The following KDM6A variants were observed in gnomAD, a reference collection of about 807,000 sequenced individuals.
KDM6A encodes lysine-specific demethylase 6A.
KDM6A carries 11 observed loss-of-function variants against 117.6 expected under a neutral mutation model. That is an observed-to-expected ratio of 0.09 (90% CI 0.06 to 0.15). The LOEUF (loss-of-function observed/expected upper bound fraction) is 0.15, where lower values mean the gene tolerates loss of function less well. KDM6A is among the 10% of genes least tolerant of loss of function. KDM6A has a pLI of 1.00. For synonymous variants in KDM6A, 384 were observed against 396.1 expected, an observed-to-expected ratio of 0.97 and a Z score of 0.36; for missense variants, 799 against 1,077.3, an observed-to-expected ratio of 0.74 and a Z score of 3.62.
At chrX:45,071,739 T>TTCTTTTCTTGTCTTTTCTTG (rs201404259) in intron 18 of KDM6A, among the ~76,000 whole-genome samples, 3,481 of 96,920 alleles carry the variant, frequency 0.036, 70 homozygotes, top group Middle Eastern at 0.059. Flanking sequence ...GTGTTTTCTT[T>TTCTTTTCTTGTCTTTTCTTG]TCTTTTCTTG....
chrX:45,055,767 A>G (rs1341712248), intron 10 of KDM6A, among the ~76,000 whole-genome samples: 1 of 111,674 alleles, frequency 9.0e-6, no homozygotes, highest in African/African-American at 3.3e-5. Context: ...TTTCAGGTTT[A>G]TATATGAAAA....
chrX:44,874,523 G>T (rs2031267793), intron 2 of KDM6A, among the ~76,000 whole-genome samples: 2 of 111,671 alleles, frequency 1.8e-5, no homozygotes, highest in African/African-American at 3.3e-5. Flanking sequence ...CATGTATCTC[G>T]ATTGCAGTGT....
intron 9 of KDM6A, among the ~76,000 whole-genome samples, chrX:45,053,421 ACT>A (rs2043943635): frequency 9.0e-6 from 1 of 111,365 alleles, no homozygotes; most frequent in Non-Finnish European, 1.9e-5. Context: ...AAAGAGCGAG[ACT>A]CTGTCTCAGG....
chrX:45,015,908 A>G (rs746346819), intron 5 of KDM6A, among the ~76,000 whole-genome samples: 2 of 111,546 alleles, frequency 1.8e-5, no homozygotes, highest in Admixed American at 9.5e-5. Context: ...GGGGAAAGAA[A>G]ATAATCCCAC....
chrX:45,061,325 A>G lies in KDM6A; in HGVS notation c.1487A>G (p.Asn496Ser), dbSNP rs768863219. The G allele has an allele frequency of 3.5e-5, 40 of 1,138,487 alleles. No homozygotes were observed. Among genetic ancestry groups the G allele is most frequent in the Non-Finnish European group, 4.6e-5 (38 of 831,933 alleles). The allele number at this position is 1,138,487 out of a possible 1,213,427, so 93.8% of individuals were successfully genotyped here. The change falls in exon 15 of 30, where the codon AAT becomes AGT. Residue 496 changes from asparagine (N) to serine (S), a missense_variant and splice_region_variant. Physicochemically the swap from Asn to Ser is conservative, Grantham distance 46. This residue lies in a region of KDM6A where 301 missense variants were observed against 318.3 expected (regional missense o/e 0.95). Transcript: ENST00000611820. The stretch of plus-strand genomic sequence containing the variant: ...TTTTTTTAAATCGATTTTCCTCAGA[A>G]TACTTCTGACAATTGGAGTGGTGGA... ...KRKRTSSPTKNTSDNWSGGHA... is the reference protein window; with the variant it reads ...KRKRTSSPTKSTSDNWSGGHA...
At chrX:45,035,642 C>T (rs909479878) in intron 7 of KDM6A, among the ~76,000 whole-genome samples, 2 of 110,338 alleles carry the variant, frequency 1.8e-5, no homozygotes, top group South Asian at 3.8e-4. Context: ...TAAGAATATT[C>T]GTTGATGCTA....
intron 2 of KDM6A, among the ~76,000 whole-genome samples, chrX:44,925,557 C>T (rs2036251466): frequency 8.9e-6 from 1 of 111,807 alleles, no homozygotes; most frequent in Non-Finnish European, 1.9e-5. Context: ...ATGCAGAGTA[C>T]TTTTTACAAA....
At chrX:44,974,112 T>A (rs952551192) in intron 3 of KDM6A, among the ~76,000 whole-genome samples, 12 of 111,474 alleles carry the variant, frequency 1.1e-4, no homozygotes, top group Non-Finnish European at 2.1e-4. Flanking sequence ...AATTGAGAAC[T>A]GGAGGCTCTG....
At chrX:44,984,679 C>T (rs1238859598) in intron 4 of KDM6A, among the ~76,000 whole-genome samples, 3 of 111,642 alleles carry the variant, frequency 2.7e-5, no homozygotes, top group Admixed American at 9.5e-5. Context: ...ATCCTTTCCC[C>T]GTTGCTTGTT....
chrX:44,964,595 T>A (rs977875131), intron 3 of KDM6A, among the ~76,000 whole-genome samples: 1 of 111,756 alleles, frequency 8.9e-6, no homozygotes, highest in Non-Finnish European at 1.9e-5. Flanking sequence ...AGGTGCATTG[T>A]CGGTGAGCAA....
At chrX:45,106,167 T>G (rs1204914716) in intron 27 of KDM6A, among the ~76,000 whole-genome samples, 1 of 111,427 alleles carries the variant, frequency 9.0e-6, no homozygotes, top group East Asian at 2.8e-4. Flanking sequence ...AGTGCAATCT[T>G]TGAATATTGC....
At chrX:44,994,174 C>T (rs1177645192) in intron 4 of KDM6A, among the ~76,000 whole-genome samples, 4 of 112,082 alleles carry the variant, frequency 3.6e-5, no homozygotes, top group Non-Finnish European at 3.8e-5. Context: ...CCATGCTCTG[C>T]AATTGATCAC....
chrX:44,907,298 A>C (rs1318563465), intron 2 of KDM6A, among the ~76,000 whole-genome samples: 2 of 110,565 alleles, frequency 1.8e-5, no homozygotes, highest in Non-Finnish European at 3.8e-5. Flanking sequence ...TGTTGTTGAG[A>C]TGGAGCTTCG....
intron 24 of KDM6A, among the ~76,000 whole-genome samples, chrX:45,084,100 G>A (rs1248730107): frequency 9.0e-6 from 1 of 111,309 alleles, no homozygotes; most frequent in Non-Finnish European, 1.9e-5. Flanking sequence ...CACAACTCAC[G>A]GTTTTAAAAA....
chrX:45,033,996 T>G (rs977191772), intron 6 of KDM6A, among the ~76,000 whole-genome samples: 2 of 111,661 alleles, frequency 1.8e-5, no homozygotes, highest in East Asian at 5.6e-4. Flanking sequence ...ATGAATTTAT[T>G]ATGGTCATTT....
chrX:45,046,986 G>A (rs2043567714), intron 8 of KDM6A, among the ~76,000 whole-genome samples: 1 of 109,312 alleles, frequency 9.1e-6, no homozygotes, highest in Non-Finnish European at 1.9e-5. Context: ...TGATGATGGT[G>A]GTGGTGGTGG....
chrX:45,040,532 G>C, intron 8 of KDM6A, among the ~76,000 whole-genome samples: 1 of 69,146 alleles, frequency 1.4e-5, no homozygotes, highest in African/African-American at 5.7e-5. Flanking sequence ...CGGGGCGGCT[G>C]GCCGGGCAGA....
At chrX:45,070,805 G>C (rs2044790594) in intron 18 of KDM6A, among the ~76,000 whole-genome samples, 1 of 109,342 alleles carries the variant, frequency 9.1e-6, no homozygotes, top group Non-Finnish European at 1.9e-5. Flanking sequence ...TGAGAAAACT[G>C]GACTGTTTGA....
Position 44,926,081 on chromosome X carries a change from C to T in KDM6A, c.226-35203C>T, listed in dbSNP as rs992535358. Among the ~76,000 whole-genome samples the T allele has an allele frequency of 7.8e-4, 79 of 100,716 alleles. 1 individual carries two copies. The highest frequency in any genetic ancestry group is 2.8e-3 in the African/African-American group (79 of 27,890). 87.5% of individuals were successfully genotyped at this position (100,716 alleles called of 115,157 possible). The stretch of plus-strand genomic sequence containing the variant: ...TTTCCCTCCCTCCCTCCCTCCCTTC[C>T]TTGTTTTGCAGCAGAGTCTCACTCT... On this transcript the variant is annotated intron_variant, in intron 2 of 29. Coordinates refer to ENST00000611820, the MANE Select transcript of KDM6A (RefSeq NM_001291415.2).
Sources: allele counts gnomAD v4.1 joint callset (sites outside exome capture counted in the v4.1 genomes callset), GRCh38; gene constraint gnomAD v4.1.1; regional missense constraint gnomAD v4.1.1; transcripts MANE v1.5; gene names NCBI Gene and HGNC (gene_info 2026-07-23, HGNC 2026-07-21).